FAM171B: variants seen among roughly 807,000 people sequenced by gnomAD.
FAM171B encodes the protein protein FAM171B.
Under a neutral mutation model 75.6 loss-of-function variants are expected in FAM171B, and 19 were observed. The ratio of observed to expected loss-of-function variants is 0.25; its 90% CI spans 0.18 to 0.37. FAM171B has a LOEUF of 0.37. FAM171B is among the 10% of genes least tolerant of loss of function. The pLI is 1.00. For synonymous variants in FAM171B, 367 were observed against 361.7 expected, an observed-to-expected ratio of 1.01 and a Z score of -0.17; for missense variants, 848 against 982.4, an observed-to-expected ratio of 0.86 and a Z score of 1.83.
intron 1 of FAM171B, among the ~76,000 whole-genome samples, chr2:186,705,385 T>G (rs932982226): frequency 5.9e-5 from 9 of 152,192 alleles, no homozygotes; most frequent in African/African-American, 1.9e-4. Context: ...TAGCTAGTCC[T>G]CTGTTTGGTC....
intron 4 of FAM171B, among the ~76,000 whole-genome samples, chr2:186,748,643 A>G (rs142083832): frequency 6.6e-6 from 1 of 152,352 alleles, no homozygotes; most frequent in East Asian, 1.9e-4. Context: ...AGCTGGAGTT[A>G]CCACAGTGAT....
At chr2:186,742,602 G>A (rs1287446676) in intron 2 of FAM171B, among the ~76,000 whole-genome samples, 1 of 151,838 alleles carries the variant, frequency 6.6e-6, no homozygotes, top group Non-Finnish European at 1.5e-5. Context: ...CCATGCAACT[G>A]TGTTTTCTCT....
chr2:186,751,427 A>C, intron 5 of FAM171B, 123 bp downstream of exon 5: 1 of 843,868 alleles, frequency 1.2e-6, no homozygotes, highest in Non-Finnish European at 1.7e-6. Flanking sequence ...TGTATTTGTT[A>C]GTGACCAAAA....
At position 186,711,819 on chromosome 2, in the gene FAM171B, C is replaced by G. The variant is rs369466043; in HGVS notation, c.238+17408C>G. Among the ~76,000 whole-genome samples, 10 of 152,304 alleles carry G rather than the reference C, an allele frequency of 6.6e-5. No homozygotes were observed. The East Asian group carries it at 9.6e-4, about 15-fold the overall frequency. ...TGCCCTGCCTCTTTTATAGTCCAAACTCCAGCAGAAACCAACTTAGCTGTA... is the reference window on the plus strand; with the variant it reads ...TGCCCTGCCTCTTTTATAGTCCAAAGTCCAGCAGAAACCAACTTAGCTGTA... On this transcript the variant is annotated intron_variant, in intron 1 of 7. Coordinates refer to ENST00000304698, the MANE Select transcript of FAM171B (RefSeq NM_177454.4).
intron 1 of FAM171B, chr2:186,695,308 C>T (rs1378065849): frequency 6.6e-6 from 1 of 152,178 alleles, no homozygotes. Flanking sequence ...CTAGATTATC[C>T]ATGTATATTG....
At chr2:186,709,131 A>G (rs1689774020) in intron 1 of FAM171B, among the ~76,000 whole-genome samples, 1 of 152,026 alleles carries the variant, frequency 6.6e-6, no homozygotes, top group African/African-American at 2.4e-5. Flanking sequence ...TTAAACGACC[A>G]GATCTTGTGA....
chr2:186,735,900 G>A (rs1443793395), intron 1 of FAM171B, among the ~76,000 whole-genome samples: 1 of 152,126 alleles, frequency 6.6e-6, no homozygotes, highest in African/African-American at 2.4e-5. Context: ...TTTTATTACT[G>A]AATGTTCTTC....
At chr2:186,748,768 T>G (rs558938942) in intron 4 of FAM171B, among the ~76,000 whole-genome samples, 1 of 152,288 alleles carries the variant, frequency 6.6e-6, no homozygotes, top group South Asian at 2.1e-4. Context: ...TGCCCTCAAA[T>G]TATTATCTCA....
At chr2:186,702,647 G>C (rs1194831526) in intron 1 of FAM171B, among the ~76,000 whole-genome samples, 1 of 152,130 alleles carries the variant, frequency 6.6e-6, no homozygotes, top group Non-Finnish European at 1.5e-5. Context: ...TAAAATGAGT[G>C]AGTGATTCAG....
At chr2:186,759,822 G>A (rs534921570) in intron 6 of FAM171B, among the ~76,000 whole-genome samples, 1 of 151,668 alleles carries the variant, frequency 6.6e-6, no homozygotes, top group South Asian at 2.1e-4. Flanking sequence ...TTTTTGCTTT[G>A]GTTGCCTGTG....
At chr2:186,720,063 A>C (rs1689929743) in intron 1 of FAM171B, among the ~76,000 whole-genome samples, 1 of 152,226 alleles carries the variant, frequency 6.6e-6, no homozygotes, top group South Asian at 2.1e-4. Context: ...GTTGAGACGG[A>C]GTCTCGCTCT....
Position 186,761,202 on chromosome 2 carries a change from A to C in FAM171B, c.1102A>C (p.Ile368Leu). 1 of 1,612,424 alleles carries C rather than the reference A, an allele frequency of 6.2e-7. No homozygotes were observed. Among genetic ancestry groups the C allele is most frequent in the South Asian group, 1.1e-5 (1 of 90,872 alleles). ...AILGGTIVIV[I>L]GFFAVLLCYC... ...ATTAGGAGGAACAATAGTCATTGTC[A>C]TTGGATTTTTTGCTGTACTACTTTG... The change falls in exon 7 of 8, where the codon ATT becomes CTT. Residue 368 changes from isoleucine to leucine, a missense_variant. Physicochemically the swap from Ile to Leu is conservative, Grantham distance 5. Transcript: ENST00000304698.
At position 186,694,409 on chromosome 2, in the gene FAM171B, C is replaced by A; in HGVS notation, c.236C>A (p.Pro79Gln). 1 of 1,611,060 alleles carries A rather than the reference C, an allele frequency of 6.2e-7. No homozygotes were observed. Among genetic ancestry groups the A allele is most frequent in the South Asian group, 1.1e-5 (1 of 90,302 alleles). Residue 79 changes from proline (P) to glutamine (Q), a missense_variant and splice_region_variant, in exon 1 of 8, where the codon CCA (proline) becomes CAA (glutamine). Around this residue, in one of 3 missense-constraint regions of FAM171B, gnomAD observed 665 missense variants for 729.0 expected, o/e 0.91. Coordinates refer to ENST00000304698, the MANE Select transcript of FAM171B (RefSeq NM_177454.4). ...GGGGCAACCTCCACCTTGACGGTTC[C>A]AGGTAGGTCCTGGCTGCCCAGCCCG... ...VPGATSTLTV[P>Q]VSVFMLKVQV...
intron 1 of FAM171B, among the ~76,000 whole-genome samples, chr2:186,703,078 C>T (rs552770505): frequency 2.1e-3 from 303 of 144,284 alleles, no homozygotes; most frequent in African/African-American, 6.8e-3. Context: ...TATATATATA[C>T]ACACACACAC....
At chr2:186,744,981 C>T (rs973150309) in intron 3 of FAM171B, among the ~76,000 whole-genome samples, 1 of 152,006 alleles carries the variant, frequency 6.6e-6, no homozygotes, top group Non-Finnish European at 1.5e-5. Flanking sequence ...CAGGCGTGTA[C>T]CACCACGCCT....
At chr2:186,720,077 G>A (rs948121680) in intron 1 of FAM171B, among the ~76,000 whole-genome samples, 5 of 152,144 alleles carry the variant, frequency 3.3e-5, no homozygotes, top group South Asian at 2.1e-4. Flanking sequence ...TCGCTCTGTC[G>A]CCCAGGCTGG....
At chr2:186,756,757 C>T (rs1690538295) in intron 6 of FAM171B, among the ~76,000 whole-genome samples, 1 of 152,124 alleles carries the variant, frequency 6.6e-6, no homozygotes, top group Admixed American at 6.6e-5. Context: ...TTTCAGGTGC[C>T]CATTGCAAGC....
chr2:186,765,913 A>T lies in FAM171B; in HGVS notation c.*3090A>T, dbSNP rs1690692176. The T allele has an allele frequency of 6.6e-6, 1 of 152,144 alleles. No homozygotes were observed. The highest frequency in any genetic ancestry group is 2.1e-4 in the South Asian group (1 of 4,836). The allele number at this position is 152,144 out of a possible 1,614,324, so 9.4% of individuals were successfully genotyped here. A position where few individuals can be genotyped will look rare whatever the true frequency, so the allele number is the denominator to read the frequency against. On this transcript the variant is annotated 3_prime_UTR_variant, in exon 8 of 8. Coordinates refer to ENST00000304698, the MANE Select transcript of FAM171B (RefSeq NM_177454.4). The stretch of plus-strand genomic sequence containing the variant: ...CTGTAACAACCTGAAGATTTGTAAA[A>T]TGTTAAACATAGTTCATTAAAAATA...
At chr2:186,731,591 T>C (rs1442036725) in intron 1 of FAM171B, among the ~76,000 whole-genome samples, 4 of 152,338 alleles carry the variant, frequency 2.6e-5, no homozygotes, top group South Asian at 2.1e-4. Context: ...ACTTATAGTT[T>C]TTTATACTAT....
Sources: gnomAD v4.1 joint callset for allele counts (sites outside exome capture counted in the v4.1 genomes callset) on GRCh38, gnomAD v4.1.1 for gene constraint, gnomAD v4.1.1 regional missense constraint, MANE v1.5 for transcripts, NCBI Gene and HGNC (gene_info 2026-07-23, HGNC 2026-07-21) for gene names.